Variants in P2RX4 observed in about 807,000 individuals in gnomAD.
The protein encoded by P2RX4 is purinergic receptor P2X 4.
In P2RX4, 37 loss-of-function variants were observed where a neutral mutation model predicts 48.0. That is an observed-to-expected ratio of 0.77 (90% CI 0.59 to 1.01). The LOEUF is 1.01. Ranked by LOEUF, P2RX4 falls within the 50% of genes least tolerant of loss-of-function variation. The pLI, the probability that P2RX4 is intolerant of heterozygous loss-of-function variation, is 0.00. For missense variants in P2RX4, 501 were observed against 521.4 expected, an observed-to-expected ratio of 0.96 and a Z score of 0.38; for synonymous variants, 200 against 199.7, an observed-to-expected ratio of 1.00 and a Z score of -0.01.
In P2RX4 at chr12:121,222,937, G is replaced by C; in HGVS notation, c.428-10G>C. 1 of 1,601,974 alleles carries C rather than the reference G, an allele frequency of 6.2e-7. No homozygotes were observed. The highest frequency in any genetic ancestry group is 8.6e-7 in the Non-Finnish European group (1 of 1,169,218). ...GACATGGGACCCCCCTGCCACCCTT[G>C]TGCTTGTAGGAGTCTCAACAGGCAG... On this transcript the variant is annotated splice_polypyrimidine_tract_variant and intron_variant, in intron 4 of 11. Transcript: ENST00000337233.
At chr12:121,210,625 A>G (rs1431567153) in intron 1 of P2RX4, among the ~76,000 whole-genome samples, 1 of 152,180 alleles carries the variant, frequency 6.6e-6, no homozygotes, top group South Asian at 2.1e-4. Flanking sequence ...GCAAAAAATT[A>G]AAAATCATCC....
Position 121,216,711 on chromosome 12 carries a change from T to G in P2RX4, c.135-423T>G, listed in dbSNP as rs955462322. The G allele has an allele frequency of 1.4e-5, 6 of 443,574 alleles. No homozygotes were observed. In the South Asian group the frequency reaches 1.4e-4, roughly 10 times the overall value. The allele number at this position is 443,574 out of a possible 1,614,324, so 27.5% of individuals were successfully genotyped here. A position where few individuals can be genotyped will look rare whatever the true frequency, so the allele number is the denominator to read the frequency against. On this transcript the variant is annotated intron_variant, in intron 1 of 11. Transcript: ENST00000337233. ...GGCGCATGCCTGTAATCCCAGCTAC[T>G]TGGGAAGCTGAGGCAGGAGAATTGC...
intron 1 of P2RX4, among the ~76,000 whole-genome samples, chr12:121,210,533 A>C (rs560264149): frequency 1.2e-4 from 19 of 152,290 alleles, no homozygotes; most frequent in African/African-American, 4.6e-4. Flanking sequence ...TAATCCGAGC[A>C]CTTTGGGAGC....
chr12:121,210,408 G>A (rs1166499362), intron 1 of P2RX4, 110 bp downstream of exon 1: 6 of 1,143,470 alleles, frequency 5.2e-6, no homozygotes, highest in Non-Finnish European at 6.7e-6. Context: ...GCGGCGAGCC[G>A]AGGCGGTGAC....
Position 121,217,255 on chromosome 12 carries a change from G to A in P2RX4, c.256G>A (p.Val86Met). Residue 86 changes from valine (V) to methionine (M), a missense_variant, in exon 2 of 12, where the codon GTG (valine) becomes ATG (methionine). Physicochemically the swap from Val to Met is conservative, Grantham distance 21. Coordinates refer to ENST00000337233, the MANE Select transcript of P2RX4 (RefSeq NM_002560.3). ...TAAACTTGGATTCCGGATCTGGGAT[G>A]TGGCGGATTATGTGATACCAGCTCA... ...TSKLGFRIWD[V>M]ADYVIPAQEE... is the part of the protein sequence containing the mutation. 6.2e-7 allele frequency: 1 copy of A among 1,614,232 alleles called. No individual in the cohort carries two copies. The highest frequency in any genetic ancestry group is 2.2e-5 in the East Asian group (1 of 44,890).
At chr12:121,226,001 T>A (rs939654099) in intron 5 of P2RX4, among the ~76,000 whole-genome samples, 1 of 151,822 alleles carries the variant, frequency 6.6e-6, no homozygotes, top group African/African-American at 2.4e-5. Flanking sequence ...CTCATCCTCC[T>A]GTGTAGCTGG....
intron 2 of P2RX4, among the ~76,000 whole-genome samples, chr12:121,218,583 C>T (rs574693644): frequency 2.0e-5 from 3 of 152,164 alleles, no homozygotes; most frequent in Admixed American, 6.6e-5. Context: ...GCCTCCTGTG[C>T]AGGCATAGCC....
chr12:121,212,820 A>ATTTTTTT lies in P2RX4; in HGVS notation c.134+2523_134+2524insTTTTTTT, dbSNP rs1268523637. 7.0e-4 allele frequency: 30 copies of ATTTTTTT among 42,766 alleles called. 2 individuals carry two copies. The highest frequency in any genetic ancestry group is 8.9e-4 in the South Asian group (1 of 1,124). The allele number at this position is 42,766 out of a possible 1,614,324, so 2.6% of individuals were successfully genotyped here. Reference sequence around the variant, plus strand: ...TATATATATATATATATATATATATATATATTTTTTTTTTTTTTTTGGAGA... The same window carrying ATTTTTTT: ...TATATATATATATATATATATATATATTTTTTTTATATTTTTTTTTTTTTTTTGGAGA... On this transcript the variant is annotated intron_variant, in intron 1 of 11. Coordinates refer to ENST00000337233, the MANE Select transcript of P2RX4 (RefSeq NM_002560.3).
chr12:121,231,909 G>A (rs774111126), intron 8 of P2RX4, among the ~76,000 whole-genome samples: 14 of 150,712 alleles, frequency 9.3e-5, no homozygotes, highest in Non-Finnish European at 1.9e-4. Flanking sequence ...GGAGGCTGAG[G>A]CAGAAGAATT....
Position 121,233,872 on chromosome 12 carries a change from T to C in P2RX4, c.*323T>C, listed in dbSNP as rs57568593. On this transcript the variant is annotated 3_prime_UTR_variant, in exon 12 of 12. Coordinates refer to ENST00000337233, the MANE Select transcript of P2RX4 (RefSeq NM_002560.3). ...GAGCTGGCTTTGCTCAGAAGCCTCCTGTCTCCAGCTCTCTCCAGGACAGGC... is the reference window on the plus strand; with the variant it reads ...GAGCTGGCTTTGCTCAGAAGCCTCCCGTCTCCAGCTCTCTCCAGGACAGGC... 1 of 442,552 alleles carries C rather than the reference T, an allele frequency of 2.3e-6. No individual in the cohort carries two copies. Among genetic ancestry groups the C allele is most frequent in the East Asian group, 4.7e-5 (1 of 21,440 alleles). 27.4% of individuals were successfully genotyped at this position (442,552 alleles called of 1,614,324 possible).
At chr12:121,226,533 A>T (rs1034435442) in intron 5 of P2RX4, among the ~76,000 whole-genome samples, 2 of 152,078 alleles carry the variant, frequency 1.3e-5, no homozygotes, top group Non-Finnish European at 2.9e-5. Flanking sequence ...ACAGAATAAG[A>T]CCCTGTCTCA....
intron 5 of P2RX4, chr12:121,223,391 C>T (rs1274217555): frequency 3.0e-6 from 1 of 331,050 alleles, no homozygotes; most frequent in African/African-American, 2.1e-5. Context: ...CCACCACACC[C>T]AGCCGGAAGC....
At chr12:121,219,270 G>A (rs2136223322) in intron 2 of P2RX4, among the ~76,000 whole-genome samples, 1 of 152,280 alleles carries the variant, frequency 6.6e-6, no homozygotes, top group East Asian at 1.9e-4. Flanking sequence ...GGCCTTTGGA[G>A]GACGCCAGCT....
chr12:121,211,431 C>A (rs1885838872), intron 1 of P2RX4, among the ~76,000 whole-genome samples: 1 of 152,026 alleles, frequency 6.6e-6, no homozygotes, highest in Non-Finnish European at 1.5e-5. Context: ...TCAGGTGATC[C>A]GCCCACCTCA....
At chr12:121,219,611 GGATGGATA>G (rs1488928334) in intron 2 of P2RX4, among the ~76,000 whole-genome samples, 158 of 122,924 alleles carry the variant, frequency 1.3e-3, no homozygotes, top group African/African-American at 2.6e-3. Flanking sequence ...ATGGATGGAT[GGATGGATA>G]GATAGATAGA....
At chr12:121,230,820 G>A (rs144684907) in intron 8 of P2RX4, among the ~76,000 whole-genome samples, 256 of 152,226 alleles carry the variant, frequency 1.7e-3, no homozygotes, top group East Asian at 0.014. Flanking sequence ...AGAACATGGG[G>A]CAGCAGATGG....
chr12:121,220,550 C>T (rs773998527), intron 2 of P2RX4, among the ~76,000 whole-genome samples: 1 of 152,060 alleles, frequency 6.6e-6, no homozygotes, highest in Non-Finnish European at 1.5e-5. Context: ...GCTGGAGAAT[C>T]GCTTGAACCC....
intron 2 of P2RX4, among the ~76,000 whole-genome samples, chr12:121,219,622 T>C (rs1017997912): frequency 1.0e-4 from 9 of 89,568 alleles, no homozygotes; most frequent in Non-Finnish European, 1.6e-4. Context: ...GATGGATAGA[T>C]AGATAGATAG....
chr12:121,225,459 G>T (rs980472434), intron 5 of P2RX4, among the ~76,000 whole-genome samples: 1 of 152,004 alleles, frequency 6.6e-6, no homozygotes, highest in Admixed American at 6.6e-5. Context: ...CGCCCAGGCT[G>T]GAGTGCAGTG....
Sources: allele counts gnomAD v4.1 joint callset (sites outside exome capture counted in the v4.1 genomes callset), GRCh38; gene constraint gnomAD v4.1.1; transcripts MANE v1.5; gene names NCBI Gene and HGNC (gene_info 2026-07-23, HGNC 2026-07-21).